Variants in TFEC observed in about 807,000 individuals in gnomAD.
TFEC encodes transcription factor EC.
Under a neutral mutation model 41.6 loss-of-function variants are expected in TFEC, and 31 were observed. The observed-to-expected ratio is 0.74, with a 90% CI of 0.56 to 1.01. TFEC has a LOEUF of 1.01. Ranked by LOEUF, TFEC falls within the 50% of genes least tolerant of loss-of-function variation. The probability of loss-of-function intolerance (pLI) is 0.00; values close to 1 mark genes in which losing one functional copy is unlikely to be tolerated. For synonymous variants in TFEC, 143 were observed against 140.6 expected, an observed-to-expected ratio of 1.02 and a Z score of -0.12; for missense variants, 402 against 404.1, an observed-to-expected ratio of 0.99 and a Z score of 0.04.
At chr7:115,972,689 A>G (rs1382074058) in intron 3 of TFEC, among the ~76,000 whole-genome samples, 1 of 152,128 alleles carries the variant, frequency 6.6e-6, no homozygotes, top group Non-Finnish European at 1.5e-5. Flanking sequence ...TTCTTTATGT[A>G]AATACACTTA....
chr7:116,043,363 A>G (rs1796086165), intron 3 of TFEC, among the ~76,000 whole-genome samples: 1 of 152,132 alleles, frequency 6.6e-6, no homozygotes, highest in Non-Finnish European at 1.5e-5. Context: ...CTCTACAAAC[A>G]GAAGACCAAA....
chr7:115,956,714 C>T lies in TFEC; in HGVS notation c.347G>A (p.Cys116Tyr). 6.2e-7 allele frequency: 1 copy of T among 1,610,086 alleles called. No individual in the cohort carries two copies. The highest frequency in any genetic ancestry group is 1.1e-5 in the South Asian group (1 of 90,752). ...PINMGLTSAS[C>Y]PSSLPMKREI... ...TCTTTTCATTGGTAGACTACTTGGA[C>T]AAGAAGCACTTGTAAGCCCCATGTT... The change falls in exon 4 of 8, where the codon TGT becomes TAT. Residue 116 changes from cysteine to tyrosine, a missense_variant. Cys to Tyr is a radical substitution (Grantham distance 194). Coordinates refer to ENST00000265440, the MANE Select transcript of TFEC (RefSeq NM_012252.4).
At chr7:116,029,543 A>G (rs186247218) in intron 1 of TFEC, among the ~76,000 whole-genome samples, 172 of 152,254 alleles carry the variant, frequency 1.1e-3, no homozygotes, top group Non-Finnish European at 1.8e-3. Context: ...ACTATCCAAA[A>G]TGAATTTGAA....
chr7:116,127,494 TTC>T (rs1218688500), intron 1 of TFEC, among the ~76,000 whole-genome samples: 1 of 152,212 alleles, frequency 6.6e-6, no homozygotes, highest in African/African-American at 2.4e-5. Flanking sequence ...CCATTGTCTT[TTC>T]TCTGTTTCTA....
At chr7:115,997,168 A>C (rs1229211841) in intron 1 of TFEC, among the ~76,000 whole-genome samples, 1 of 152,168 alleles carries the variant, frequency 6.6e-6, no homozygotes, top group Non-Finnish European at 1.5e-5. Context: ...GACACAGCAT[A>C]GTCCCATTGG....
chr7:116,003,387 T>C (rs1049916066), intron 1 of TFEC, among the ~76,000 whole-genome samples: 2 of 152,016 alleles, frequency 1.3e-5, no homozygotes, highest in African/African-American at 4.8e-5. Flanking sequence ...TGATTAGGGA[T>C]AAAGAGGGCC....
chr7:115,987,783 A>T (rs1490150803), intron 1 of TFEC, among the ~76,000 whole-genome samples: 2 of 152,030 alleles, frequency 1.3e-5, no homozygotes, highest in African/African-American at 4.8e-5. Flanking sequence ...AATGTGTTTT[A>T]TATATATATA....
At chr7:116,068,556 T>C (rs1286714365) in intron 3 of TFEC, among the ~76,000 whole-genome samples, 1 of 151,726 alleles carries the variant, frequency 6.6e-6, no homozygotes, top group Non-Finnish European at 1.5e-5. Context: ...ACAGTCATAT[T>C]TTTTCAACAG....
chr7:116,038,032 TATC>T (rs1195346186), intron 3 of TFEC, among the ~76,000 whole-genome samples: 3 of 152,040 alleles, frequency 2.0e-5, no homozygotes, highest in African/African-American at 7.2e-5. Context: ...TACATCTACT[TATC>T]ATTGCTCTTT....
chr7:116,078,294 C>A (rs1347200278), intron 3 of TFEC, among the ~76,000 whole-genome samples: 1 of 147,284 alleles, frequency 6.8e-6, no homozygotes, highest in Non-Finnish European at 1.5e-5. Flanking sequence ...GAAACAAGAA[C>A]AAACCAAACC....
Position 116,025,884 on chromosome 7 carries a change from A to G in TFEC, c.-73+4749T>C, listed in dbSNP as rs1346600911. Among the ~76,000 whole-genome samples the G allele has an allele frequency of 2.0e-5, 3 of 152,298 alleles. No homozygotes were observed. The East Asian group carries it at 5.8e-4, about 29-fold the overall frequency. ...CTCTCTTCTTGCCAAAGGTACAACTATTTTGAAGGTATTACCCATAGTCAC... is the reference window on the plus strand; with the variant it reads ...CTCTCTTCTTGCCAAAGGTACAACTGTTTTGAAGGTATTACCCATAGTCAC... On this transcript the variant is annotated intron_variant, in intron 1 of 7. Transcript: ENST00000265440.
chr7:116,037,647 C>T (rs1253290185), intron 3 of TFEC, among the ~76,000 whole-genome samples: 1 of 151,932 alleles, frequency 6.6e-6, no homozygotes, highest in African/African-American at 2.4e-5. Context: ...TTAAGACAAA[C>T]ATTAAATGTC....
intron 3 of TFEC, among the ~76,000 whole-genome samples, chr7:115,967,753 C>G (rs1792930490): frequency 6.6e-6 from 1 of 151,592 alleles, no homozygotes; most frequent in East Asian, 1.9e-4. Context: ...TCTGGAAATA[C>G]AATATGTGAC....
At chr7:116,153,684 CCTTT>C (rs1432856502) in intron 1 of TFEC, among the ~76,000 whole-genome samples, 6 of 152,040 alleles carry the variant, frequency 3.9e-5, no homozygotes, top group African/African-American at 7.2e-5. Flanking sequence ...GCTCTTCCTT[CCTTT>C]ACTATTTTAG....
intron 1 of TFEC, among the ~76,000 whole-genome samples, chr7:115,990,255 T>A (rs1256534453): frequency 2.0e-5 from 3 of 152,112 alleles, no homozygotes; most frequent in Non-Finnish European, 2.9e-5. Flanking sequence ...AAAAGGTAGA[T>A]GAATCCACAA....
chr7:116,073,366 T>C (rs1280608371), intron 3 of TFEC, among the ~76,000 whole-genome samples: 1 of 151,778 alleles, frequency 6.6e-6, no homozygotes, highest in Non-Finnish European at 1.5e-5. Context: ...GTGATAGATA[T>C]GAACATATAA....
At chr7:116,127,109 TG>T (rs199835993) in intron 1 of TFEC, among the ~76,000 whole-genome samples, 8 of 151,316 alleles carry the variant, frequency 5.3e-5, no homozygotes, top group African/African-American at 7.3e-5. Context: ...TTTTGTTTTT[TG>T]TTTTTGAGAC....
chr7:115,968,198 G>C, intron 3 of TFEC: 1 of 1,526,738 alleles, frequency 6.5e-7, no homozygotes, highest in Non-Finnish European at 8.8e-7. Flanking sequence ...TTTTAACTTT[G>C]AAGTGTCTAT....
intron 2 of TFEC, among the ~76,000 whole-genome samples, chr7:115,976,646 T>C (rs968469334): frequency 2.0e-5 from 3 of 152,184 alleles, no homozygotes; most frequent in African/African-American, 7.2e-5. Context: ...AAATTATTGA[T>C]TGTTATTAAA....
Sources: allele counts gnomAD v4.1 joint callset (sites outside exome capture counted in the v4.1 genomes callset), GRCh38; gene constraint gnomAD v4.1.1; transcripts MANE v1.5; gene names NCBI Gene and HGNC (gene_info 2026-07-23, HGNC 2026-07-21).